PARD3: variants seen among roughly 807,000 people sequenced by gnomAD.
PARD3 encodes par-3 family cell polarity regulator, also known as partitioning defective 3 homolog.
Under a neutral mutation model 155.4 loss-of-function variants are expected in PARD3, and 75 were observed. The ratio of observed to expected loss-of-function variants is 0.48; its 90% CI spans 0.40 to 0.58. The LOEUF is 0.58. Ranked by LOEUF, PARD3 falls within the 20% of genes least tolerant of loss-of-function variation. The pLI, the probability that PARD3 is intolerant of heterozygous loss-of-function variation, is 0.00. For missense variants in PARD3, 1,642 were observed against 1,721.7 expected, an observed-to-expected ratio of 0.95 and a Z score of 0.82; for synonymous variants, 576 against 610.5, an observed-to-expected ratio of 0.94 and a Z score of 0.83.
At chr10:34,534,219 T>C (rs1336930623) in intron 2 of PARD3, among the ~76,000 whole-genome samples, 2 of 151,024 alleles carry the variant, frequency 1.3e-5, no homozygotes, top group African/African-American at 2.4e-5. Context: ...TGAGCAGAGA[T>C]TGTGCCACTG....
chr10:34,626,665 T>G (rs889499587), intron 2 of PARD3, among the ~76,000 whole-genome samples: 6 of 152,244 alleles, frequency 3.9e-5, no homozygotes, highest in African/African-American at 1.4e-4. Context: ...TAACTCATAT[T>G]TGGATGCAAA....
At chr10:34,706,086 A>G (rs2094357842) in intron 1 of PARD3, among the ~76,000 whole-genome samples, 1 of 152,212 alleles carries the variant, frequency 6.6e-6, no homozygotes, top group South Asian at 2.1e-4. Context: ...CTCAGACTAC[A>G]GCGCTGGCAC....
At chr10:34,647,262 CAG>C (rs2092869486) in intron 2 of PARD3, among the ~76,000 whole-genome samples, 1 of 152,138 alleles carries the variant, frequency 6.6e-6, no homozygotes, top group Non-Finnish European at 1.5e-5. Context: ...CCCATGAGGA[CAG>C]GGGCTTTGTC....
chr10:34,768,354 T>TAACTTGAAGCAAAGGCGGGAC (rs1838386267), intron 1 of PARD3, among the ~76,000 whole-genome samples: 1 of 129,540 alleles, frequency 7.7e-6, no homozygotes, highest in Non-Finnish European at 1.6e-5. Flanking sequence ...AAAGGCGGGA[T>TAACTTGAAGCAAAGGCGGGAC]AACTCGAAGC....
chr10:34,708,384 T>C (rs548601578), intron 1 of PARD3, among the ~76,000 whole-genome samples: 8 of 152,090 alleles, frequency 5.3e-5, no homozygotes, highest in African/African-American at 1.7e-4. Context: ...CTGAAGAAAT[T>C]TGTCAAATTA....
chr10:34,284,169 C>G lies in PARD3; in HGVS notation c.3142G>C (p.Glu1048Gln), dbSNP rs747875841. The G allele has an allele frequency of 6.2e-7, 1 of 1,606,518 alleles. No homozygotes were observed. Among genetic ancestry groups the G allele is most frequent in the Non-Finnish European group, 8.5e-7 (1 of 1,175,906 alleles). ...IKIQESFTSE[E>Q]ERIRMKQEQE... ...TCCTGCTTCATTCGTATCCTCTCCT[C>G]TTCTGATGTAAAGGATTCCTGTATT... The change falls in exon 21 of 25, where the codon GAG becomes CAG. Residue 1048 changes from glutamate to glutamine, a missense_variant. Transcript: ENST00000374788.
chr10:34,610,185 T>C lies in PARD3; in HGVS notation c.222+86133A>G, dbSNP rs142148496. On this transcript the variant is annotated intron_variant, in intron 2 of 24. Transcript: ENST00000374788. ...TGGAAGTAATATTAAATATATCGGCTAGGGCATGTGGCAAGAAGGATGAGA... is the reference window on the plus strand; with the variant it reads ...TGGAAGTAATATTAAATATATCGGCCAGGGCATGTGGCAAGAAGGATGAGA... 2.3e-3 allele frequency among the ~76,000 whole-genome samples: 347 copies of C among 152,270 alleles called. 1 individual carries two copies. The highest frequency in any genetic ancestry group is 4.2e-3 in the Non-Finnish European group (286 of 68,024).
intron 5 of PARD3, among the ~76,000 whole-genome samples, chr10:34,422,869 TA>T (rs973333469): frequency 1.3e-5 from 2 of 152,168 alleles, no homozygotes; most frequent in Non-Finnish European, 2.9e-5. Flanking sequence ...AAAAAGGGTA[TA>T]GGGGTTCTTC....
chr10:34,604,823 G>C (rs1369530142), intron 2 of PARD3, among the ~76,000 whole-genome samples: 1 of 151,866 alleles, frequency 6.6e-6, no homozygotes, highest in African/African-American at 2.4e-5. Context: ...TGATAAATTT[G>C]CAGAAGACTC....
intron 12 of PARD3, among the ~76,000 whole-genome samples, chr10:34,371,871 A>T (rs578158290): frequency 1.3e-5 from 2 of 152,142 alleles, no homozygotes; most frequent in East Asian, 3.9e-4. Context: ...TGATAGAGCA[A>T]TCCTTCCTTT....
chr10:34,780,873 C>T (rs772876592), intron 1 of PARD3, among the ~76,000 whole-genome samples: 2 of 152,212 alleles, frequency 1.3e-5, no homozygotes, highest in Non-Finnish European at 2.9e-5. Flanking sequence ...CTAACATTCA[C>T]CACGCCACAC....
chr10:34,547,947 G>A (rs1238858443), intron 2 of PARD3, among the ~76,000 whole-genome samples: 1 of 152,148 alleles, frequency 6.6e-6, no homozygotes, highest in African/African-American at 2.4e-5. Context: ...GGCTCTAAAA[G>A]CTAACCAGAT....
chr10:34,812,362 T>TAA (rs767968625), intron 1 of PARD3, among the ~76,000 whole-genome samples: 46 of 152,192 alleles, frequency 3.0e-4, no homozygotes, highest in Non-Finnish European at 5.1e-4. Flanking sequence ...CCTAGCAACC[T>TAA]AAACACCACT....
In PARD3 at chr10:34,608,589, C is replaced by A. The variant is rs189889865; in HGVS notation, c.222+87729G>T. ...TCACTCTGTCACCCAGGCTGGAGTGCAATGGCCCGATCTTGGCTCACTGCA... is the reference window on the plus strand; with the variant it reads ...TCACTCTGTCACCCAGGCTGGAGTGAAATGGCCCGATCTTGGCTCACTGCA... On this transcript the variant is annotated intron_variant, in intron 2 of 24. Transcript: ENST00000374788. Among the ~76,000 whole-genome samples, 89 of 143,390 alleles carry A rather than the reference C, an allele frequency of 6.2e-4. 1 individual carries two copies. The highest frequency in any genetic ancestry group is 2.4e-3 in the African/African-American group (87 of 36,748). 94.1% of individuals were successfully genotyped at this position (143,390 alleles called of 152,430 possible).
At chr10:34,186,097 CT>C (rs2133229882) in intron 22 of PARD3, among the ~76,000 whole-genome samples, 1 of 151,958 alleles carries the variant, frequency 6.6e-6, no homozygotes, top group African/African-American at 2.4e-5. Flanking sequence ...GGTTCTCTCT[CT>C]CACCCTGCAA....
intron 2 of PARD3, among the ~76,000 whole-genome samples, chr10:34,572,789 T>G (rs2086536024): frequency 6.6e-6 from 1 of 152,068 alleles, no homozygotes; most frequent in South Asian, 2.1e-4. Context: ...GCAGGCCATA[T>G]GGCCTGATTT....
intron 1 of PARD3, among the ~76,000 whole-genome samples, chr10:34,750,685 A>G (rs1043444701): frequency 1.4e-5 from 2 of 146,680 alleles, no homozygotes; most frequent in African/African-American, 2.6e-5. Context: ...TGGTAATGAC[A>G]TAACAATTTT....
intron 1 of PARD3, among the ~76,000 whole-genome samples, chr10:34,762,489 T>TTTTTG (rs1491416839): frequency 2.5e-5 from 3 of 119,414 alleles, no homozygotes; most frequent in African/African-American, 3.0e-5. Flanking sequence ...TTTTTTTTTT[T>TTTTTG]GTAGAGATGG....
chr10:34,208,364 G>C (rs1478402375), intron 22 of PARD3, among the ~76,000 whole-genome samples: 2 of 152,300 alleles, frequency 1.3e-5, no homozygotes, highest in East Asian at 3.9e-4. Flanking sequence ...AAATTATAGA[G>C]GCTTTGCATA....
Sources: allele counts gnomAD v4.1 joint callset (sites outside exome capture counted in the v4.1 genomes callset), GRCh38; gene constraint gnomAD v4.1.1; transcripts MANE v1.5; gene names NCBI Gene and HGNC (gene_info 2026-07-23, HGNC 2026-07-21).